Variants in GABRG3 observed in about 807,000 individuals in gnomAD.
The protein encoded by GABRG3 is gamma-aminobutyric acid receptor subunit gamma-3.
In GABRG3, 25 loss-of-function variants were observed where a neutral mutation model predicts 48.8. The observed-to-expected ratio is 0.51, with a 90% CI of 0.37 to 0.72. The LOEUF is 0.72. Ranked by LOEUF, GABRG3 falls within the 30% of genes least tolerant of loss-of-function variation. GABRG3 has a pLI of 0.00. For synonymous variants in GABRG3, 227 were observed against 217.6 expected (o/e 1.04, Z -0.38); for missense variants, 394 against 577.9 (o/e 0.68, Z 3.26).
At chr15:27,127,046 G>A (rs987726264) in intron 3 of GABRG3, among the ~76,000 whole-genome samples, 1 of 152,002 alleles carries the variant, frequency 6.6e-6, no homozygotes, top group African/African-American at 2.4e-5. Flanking sequence ...ATTTGGCAGG[G>A]CATTAAAAGA....
chr15:27,033,824 T>C (rs1896129580), intron 3 of GABRG3, among the ~76,000 whole-genome samples: 1 of 152,202 alleles, frequency 6.6e-6, no homozygotes, highest in Non-Finnish European at 1.5e-5. Context: ...ATATAGTATA[T>C]AGTAAATGTT....
chr15:27,301,456 TACTAAAA>T (rs1330888044), intron 3 of GABRG3, among the ~76,000 whole-genome samples: 1 of 152,156 alleles, frequency 6.6e-6, no homozygotes, highest in Admixed American at 6.6e-5. Flanking sequence ...TTTTTCCTAT[TACTAAAA>T]AAGCATAATT....
At chr15:27,082,332 C>T (rs866738203) in intron 3 of GABRG3, among the ~76,000 whole-genome samples, 5 of 152,322 alleles carry the variant, frequency 3.3e-5, no homozygotes, top group Admixed American at 1.3e-4. Flanking sequence ...AATGAAGTTG[C>T]AGGTATAATT....
intron 3 of GABRG3, among the ~76,000 whole-genome samples, chr15:27,092,745 G>A (rs1239476314): frequency 6.6e-6 from 1 of 152,148 alleles, no homozygotes; most frequent in Non-Finnish European, 1.5e-5. Context: ...CAGGAAGGGC[G>A]GGACCTTTGA....
chr15:27,290,987 T>C (rs1891776640), intron 3 of GABRG3, among the ~76,000 whole-genome samples: 1 of 152,226 alleles, frequency 6.6e-6, no homozygotes, highest in Non-Finnish European at 1.5e-5. Context: ...TTGTTTAATA[T>C]TAAGAAAATA....
chr15:27,254,325 A>G (rs1227590322), intron 3 of GABRG3, among the ~76,000 whole-genome samples: 5 of 152,038 alleles, frequency 3.3e-5, no homozygotes, highest in Non-Finnish European at 5.9e-5. Context: ...CGCAGGGGAG[A>G]GATGCCGTCA....
chr15:27,051,562 C>T (rs553529369), intron 3 of GABRG3, among the ~76,000 whole-genome samples: 20 of 152,218 alleles, frequency 1.3e-4, no homozygotes, highest in African/African-American at 4.6e-4. Flanking sequence ...ATAAAAGGGA[C>T]CTCAGATAAC....
intron 5 of GABRG3, among the ~76,000 whole-genome samples, chr15:27,405,961 A>T (rs908086494): frequency 6.6e-6 from 1 of 152,154 alleles, no homozygotes; most frequent in African/African-American, 2.4e-5. Context: ...TGTAAAAGAA[A>T]TAAAGGAGCT....
chr15:27,013,782 T>C (rs1031208552), intron 2 of GABRG3, among the ~76,000 whole-genome samples: 4 of 152,098 alleles, frequency 2.6e-5, no homozygotes, highest in Admixed American at 2.6e-4. Flanking sequence ...GTTTTTGAAA[T>C]AGGAAGTTTC....
intron 6 of GABRG3, among the ~76,000 whole-genome samples, chr15:27,496,701 A>C (rs1389151678): frequency 6.6e-6 from 1 of 152,220 alleles, no homozygotes; most frequent in East Asian, 1.9e-4. Flanking sequence ...TGTCCAAAAA[A>C]GAGGTAATTG....
chr15:27,486,427 G>T (rs111430842), intron 6 of GABRG3, among the ~76,000 whole-genome samples: 1 of 152,300 alleles, frequency 6.6e-6, no homozygotes, highest in South Asian at 2.1e-4. Flanking sequence ...CAGTCTTTAC[G>T]TGTAGAAGCT....
intron 5 of GABRG3, among the ~76,000 whole-genome samples, chr15:27,376,417 C>T (rs28874898): frequency 0.3 from 45,408 of 152,118 alleles, 6,936 homozygotes; most frequent in Middle Eastern, 0.4. Context: ...ACCAACCCCA[C>T]ATTTTCCTTC....
chr15:27,401,051 T>C (rs1342136687), intron 5 of GABRG3, among the ~76,000 whole-genome samples: 1 of 152,228 alleles, frequency 6.6e-6, no homozygotes, highest in Non-Finnish European at 1.5e-5. Context: ...TTAGCATGAC[T>C]TTCAATTTTG....
At chr15:27,119,106 A>G (rs1276329848) in intron 3 of GABRG3, among the ~76,000 whole-genome samples, 2 of 152,322 alleles carry the variant, frequency 1.3e-5, no homozygotes, top group African/African-American at 2.4e-5. Flanking sequence ...GAGGAAAGGT[A>G]TGAAATGTGG....
intron 6 of GABRG3, among the ~76,000 whole-genome samples, 186 bp from the exon 7 acceptor site, chr15:27,519,786 A>C (rs1040894323): frequency 1.3e-5 from 2 of 152,220 alleles, no homozygotes; most frequent in African/African-American, 4.8e-5. Flanking sequence ...TGCCTGGTAC[A>C]GCCATGGTTA....
Position 27,099,949 on chromosome 15 carries a change from G to A in GABRG3, c.270+73128G>A, listed in dbSNP as rs1897327857. On this transcript the variant is annotated intron_variant, in intron 3 of 9. Coordinates refer to ENST00000615808, the MANE Select transcript of GABRG3 (RefSeq NM_033223.5). Reference sequence around the variant, plus strand: ...AAATCAGAATTGGCCGGGCACGGTGGCTCACGTCTGTAATCCCAGCACTTT... The same window carrying A: ...AAATCAGAATTGGCCGGGCACGGTGACTCACGTCTGTAATCCCAGCACTTT... Among the ~76,000 whole-genome samples, 4 of 152,220 alleles carry A rather than the reference G, an allele frequency of 2.6e-5. No individual in the cohort carries two copies. The South Asian group carries it at 8.3e-4, about 32-fold the overall frequency.
At chr15:27,423,578 T>A (rs1464215419) in intron 5 of GABRG3, among the ~76,000 whole-genome samples, 1 of 151,296 alleles carries the variant, frequency 6.6e-6, no homozygotes, top group Non-Finnish European at 1.5e-5. Flanking sequence ...TAGGGTCTTA[T>A]TCTGTCGCCA....
At chr15:27,394,120 G>T (rs1566821734) in intron 5 of GABRG3, among the ~76,000 whole-genome samples, 1 of 151,966 alleles carries the variant, frequency 6.6e-6, no homozygotes, top group South Asian at 2.1e-4. Context: ...TTTACAACTG[G>T]GGTTTTTATA....
intron 5 of GABRG3, among the ~76,000 whole-genome samples, chr15:27,333,431 A>G (rs1044069103): frequency 6.6e-6 from 1 of 152,014 alleles, no homozygotes; most frequent in African/African-American, 2.4e-5. Context: ...CCCTTCTTCT[A>G]TCTTTGGAGC....
Sources: gnomAD v4.1 joint callset for allele counts (sites outside exome capture counted in the v4.1 genomes callset) on GRCh38, gnomAD v4.1.1 for gene constraint, MANE v1.5 for transcripts, NCBI Gene and HGNC (gene_info 2026-07-23, HGNC 2026-07-21) for gene names.